Variants in POC1B observed in about 807,000 individuals in gnomAD.
The protein encoded by POC1B is POC1 centriolar protein homolog B.
POC1B carries 44 observed loss-of-function variants against 60.6 expected under a neutral mutation model. The ratio of observed to expected loss-of-function variants is 0.73; its 90% CI spans 0.57 to 0.93. POC1B has a LOEUF of 0.93. POC1B is among the 40% of genes least tolerant of loss of function. The pLI is 0.00. For synonymous variants in POC1B, 180 were observed against 198.9 expected (o/e 0.90, Z 0.80); for missense variants, 555 against 572.3 (o/e 0.97, Z 0.31).
At chr12:89,515,321 T>G (rs1210026171) in intron 2 of POC1B, among the ~76,000 whole-genome samples, 2 of 152,050 alleles carry the variant, frequency 1.3e-5, no homozygotes, top group African/African-American at 4.8e-5. Context: ...TTTTTGAAGA[T>G]AGGGGTCCCA....
chr12:89,435,821 G>A (rs1881233608), intron 10 of POC1B, among the ~76,000 whole-genome samples: 2 of 152,012 alleles, frequency 1.3e-5, no homozygotes, highest in African/African-American at 4.8e-5. Flanking sequence ...ATATGAGCTA[G>A]ATTCTTTTAC....
intron 4 of POC1B, among the ~76,000 whole-genome samples, chr12:89,475,910 CTTT>C (rs972058107): frequency 7.0e-5 from 6 of 86,132 alleles, no homozygotes; most frequent in African/African-American, 9.3e-5. Context: ...TGAGGGAATT[CTTT>C]TTTTTTTTTT....
At chr12:89,464,645 A>G (rs982962771) in intron 9 of POC1B, among the ~76,000 whole-genome samples, 6 of 150,914 alleles carry the variant, frequency 4.0e-5, no homozygotes, top group Admixed American at 4.0e-4. Context: ...GCGCCACCAC[A>G]CCCAGCAAAT....
At chr12:89,467,920 A>T (rs994427513) in intron 7 of POC1B, among the ~76,000 whole-genome samples, 29 of 152,196 alleles carry the variant, frequency 1.9e-4, no homozygotes, top group Non-Finnish European at 2.6e-4. Context: ...AAAATTAATT[A>T]AAAAAATAAC....
intron 10 of POC1B, among the ~76,000 whole-genome samples, chr12:89,448,192 TC>T (rs1037578146): frequency 2.0e-5 from 3 of 152,024 alleles, no homozygotes; most frequent in Admixed American, 1.3e-4. Context: ...GTAATCTCAG[TC>T]CTTTGGGAGG....
At chr12:89,505,989 T>C (rs1353046497) in intron 2 of POC1B, among the ~76,000 whole-genome samples, 1 of 152,166 alleles carries the variant, frequency 6.6e-6, no homozygotes, top group Non-Finnish European at 1.5e-5. Flanking sequence ...GCCTGGGCAC[T>C]GAAGTGAGTT....
intron 10 of POC1B, among the ~76,000 whole-genome samples, chr12:89,438,994 G>A (rs1881397577): frequency 6.6e-6 from 1 of 152,176 alleles, no homozygotes; most frequent in South Asian, 2.1e-4. Flanking sequence ...CATTGTATAA[G>A]CTAAAAACCC....
intron 2 of POC1B, among the ~76,000 whole-genome samples, chr12:89,511,108 C>T (rs1269672152): frequency 6.6e-6 from 1 of 152,086 alleles, no homozygotes; most frequent in Non-Finnish European, 1.5e-5. Flanking sequence ...CCCTCTCAGG[C>T]CTTTTCATTC....
At chr12:89,501,417 G>A in intron 2 of POC1B, 2 of 994,790 alleles carry the variant, frequency 2.0e-6, no homozygotes, top group South Asian at 1.3e-5. Context: ...ATGTGGGACA[G>A]ACTAAAGATG....
At chr12:89,446,882 G>A (rs1881814543) in intron 10 of POC1B, among the ~76,000 whole-genome samples, 1 of 152,114 alleles carries the variant, frequency 6.6e-6, no homozygotes, top group Non-Finnish European at 1.5e-5. Context: ...CAGAAGCAAT[G>A]CCACTGTTGC....
intron 4 of POC1B, among the ~76,000 whole-genome samples, chr12:89,489,495 C>T (rs1406491196): frequency 6.6e-6 from 1 of 152,114 alleles, no homozygotes; most frequent in Admixed American, 6.5e-5. Context: ...AACCTAGTGA[C>T]TAAAAGTCTG....
chr12:89,501,657 G>A (rs977900674), intron 2 of POC1B: 11 of 1,136,880 alleles, frequency 9.7e-6, no homozygotes, highest in African/African-American at 3.1e-5. Context: ...CAACTGTCAC[G>A]AGAAGTCGAA....
At chr12:89,492,637 T>C (rs911225449) in intron 3 of POC1B, among the ~76,000 whole-genome samples, 8 of 152,192 alleles carry the variant, frequency 5.3e-5, no homozygotes, top group African/African-American at 1.9e-4. Context: ...GTGTCTCAGA[T>C]GTTCAAATGT....
the POC1B span, among the ~76,000 whole-genome samples, chr12:89,412,906 C>T: frequency 6.8e-6 from 1 of 147,810 alleles, no homozygotes. Flanking sequence ...CTCCCTTCCT[C>T]CCTCCCTTCT....
chr12:89,450,732 G>A (rs755015938), intron 10 of POC1B, among the ~76,000 whole-genome samples: 1 of 152,094 alleles, frequency 6.6e-6, no homozygotes, highest in Non-Finnish European at 1.5e-5. Context: ...AAAATAAATA[G>A]AAAACCTTTA....
intron 10 of POC1B, among the ~76,000 whole-genome samples, chr12:89,459,042 T>C (rs749423933): frequency 6.6e-6 from 1 of 152,216 alleles, no homozygotes; most frequent in East Asian, 1.9e-4. Flanking sequence ...ACGGCAGTGC[T>C]GTTTTTCTTA....
In POC1B at chr12:89,471,671, C is replaced by T; in HGVS notation, c.619G>A (p.Asp207Asn). The T allele has an allele frequency of 6.2e-7, 1 of 1,611,500 alleles. No individual in the cohort carries two copies. The change falls in exon 6 of 12, where the codon GAT becomes AAT. Residue 207 changes from aspartate (D) to asparagine (N), a missense_variant. Coordinates refer to ENST00000313546, the MANE Select transcript of POC1B (RefSeq NM_172240.3). Reference sequence around the variant, plus strand: ...ACATCCCAGACTTTCACAGTTTGATCAGAACCTGCTGAAGCTATGCATGTA... The same window carrying T: ...ACATCCCAGACTTTCACAGTTTGATTAGAACCTGCTGAAGCTATGCATGTA... The part of the protein sequence containing the change: ...SGTCIASAGS[D>N]QTVKVWDVRV...
At chr12:89,512,898 T>C (rs1042513752) in intron 2 of POC1B, among the ~76,000 whole-genome samples, 1 of 152,226 alleles carries the variant, frequency 6.6e-6, no homozygotes, top group Non-Finnish European at 1.5e-5. Flanking sequence ...CCCAGTTTTA[T>C]AAGATTCCAA....
chr12:89,474,495 T>C (rs1883031805), intron 4 of POC1B, among the ~76,000 whole-genome samples: 1 of 152,210 alleles, frequency 6.6e-6, no homozygotes, highest in Non-Finnish European at 1.5e-5. Flanking sequence ...TGAGCACATG[T>C]GTCCTAGAAC....
Sources: allele counts gnomAD v4.1 joint callset (sites outside exome capture counted in the v4.1 genomes callset), GRCh38; gene constraint gnomAD v4.1.1; transcripts MANE v1.5; gene names NCBI Gene and HGNC (gene_info 2026-07-23, HGNC 2026-07-21).